ADAMTSL1: variants seen among roughly 807,000 people sequenced by gnomAD.
The protein encoded by ADAMTSL1 is ADAMTS-like protein 1.
ADAMTSL1 carries 126 observed loss-of-function variants against 201.8 expected under a neutral mutation model. That is an observed-to-expected ratio of 0.62 (90% CI 0.54 to 0.72). The LOEUF (loss-of-function observed/expected upper bound fraction) is 0.72. ADAMTSL1 is among the 30% of genes least tolerant of loss of function. The pLI, the probability that ADAMTSL1 is intolerant of heterozygous loss-of-function variation, is 0.00. For synonymous variants in ADAMTSL1, 1,121 were observed against 903.4 expected, an observed-to-expected ratio of 1.24 and a Z score of -4.32; for missense variants, 2,679 against 2,277.8, an observed-to-expected ratio of 1.18 and a Z score of -3.59.
chr9:18,812,653 T>C (rs950344565), intron 20 of ADAMTSL1, among the ~76,000 whole-genome samples: 3 of 152,222 alleles, frequency 2.0e-5, no homozygotes, highest in Non-Finnish European at 4.4e-5. Context: ...CTATGTTTTT[T>C]CCTAGTAGTT....
chr9:18,192,465 C>A (rs1474277015), intron 2 of ADAMTSL1, among the ~76,000 whole-genome samples: 1 of 152,110 alleles, frequency 6.6e-6, no homozygotes, highest in Non-Finnish European at 1.5e-5. Flanking sequence ...GAAATTCGTC[C>A]TACCATATGT....
intron 19 of ADAMTSL1, among the ~76,000 whole-genome samples, chr9:18,784,948 G>A (rs1821616168): frequency 6.6e-6 from 1 of 152,132 alleles, no homozygotes; most frequent in Non-Finnish European, 1.5e-5. Context: ...GGCAGATCAC[G>A]AGGTCAAGAG....
At chr9:18,231,543 C>T (rs1830645990) in intron 2 of ADAMTSL1, among the ~76,000 whole-genome samples, 1 of 152,136 alleles carries the variant, frequency 6.6e-6, no homozygotes, top group South Asian at 2.1e-4. Flanking sequence ...CTCCAGGGCT[C>T]ACAACTTGAA....
intron 4 of ADAMTSL1, among the ~76,000 whole-genome samples, chr9:18,604,205 A>G (rs1420741043): frequency 6.6e-6 from 1 of 152,232 alleles, no homozygotes; most frequent in African/African-American, 2.4e-5. Context: ...ACATTTCCAA[A>G]TAAGGAAGGG....
intron 1 of ADAMTSL1, among the ~76,000 whole-genome samples, chr9:18,162,769 G>C (rs996115721): frequency 2.6e-5 from 4 of 151,844 alleles, no homozygotes; most frequent in African/African-American, 9.7e-5. Context: ...AAATGTATGA[G>C]AGTTAAAAAG....
intron 1 of ADAMTSL1, among the ~76,000 whole-genome samples, chr9:18,067,678 C>G (rs967333551): frequency 1.3e-5 from 2 of 152,150 alleles, no homozygotes; most frequent in African/African-American, 4.8e-5. Context: ...AGAGAGCTGT[C>G]GGCAGCACTA....
At chr9:18,051,955 T>C (rs1230188417) in intron 1 of ADAMTSL1, among the ~76,000 whole-genome samples, 1 of 152,254 alleles carries the variant, frequency 6.6e-6, no homozygotes, top group East Asian at 1.9e-4. Context: ...AGTCTGTGGA[T>C]ATAGGGAAGC....
chr9:18,176,225 C>A (rs902909053), intron 2 of ADAMTSL1, among the ~76,000 whole-genome samples: 3 of 151,976 alleles, frequency 2.0e-5, no homozygotes, highest in African/African-American at 4.8e-5. Context: ...TTTGCCCTAG[C>A]GTATTTTTAA....
At chr9:18,531,424 T>G (rs972049038) in intron 2 of ADAMTSL1, among the ~76,000 whole-genome samples, 6 of 151,896 alleles carry the variant, frequency 4.0e-5, no homozygotes, top group Admixed American at 3.3e-4. Context: ...GCCTTTTGTC[T>G]AGGACATTGC....
At chr9:18,773,850 C>A (rs1319891163) in intron 17 of ADAMTSL1, among the ~76,000 whole-genome samples, 4 of 152,202 alleles carry the variant, frequency 2.6e-5, no homozygotes, top group African/African-American at 9.7e-5. Context: ...TCCATCCCAC[C>A]TGATCCTTGG....
intron 8 of ADAMTSL1, 80 bp downstream of exon 8, chr9:18,657,830 G>A: frequency 8.3e-7 from 1 of 1,202,574 alleles, no homozygotes; most frequent in Non-Finnish European, 1.2e-6. Context: ...AGTTACTTCA[G>A]CATGGAAGAA....
intron 2 of ADAMTSL1, among the ~76,000 whole-genome samples, chr9:18,260,805 C>A (rs2132532858): frequency 6.6e-6 from 1 of 152,178 alleles, no homozygotes; most frequent in South Asian, 2.1e-4. Flanking sequence ...GAAGCCAAAT[C>A]CCATATATTT....
intron 6 of ADAMTSL1, among the ~76,000 whole-genome samples, chr9:18,637,847 G>A (rs1373975851): frequency 1.3e-5 from 2 of 152,070 alleles, no homozygotes; most frequent in Non-Finnish European, 2.9e-5. Flanking sequence ...TCTTTAATTA[G>A]AGGTACCTTG....
chr9:18,431,340 A>T (rs1819481188), intron 2 of ADAMTSL1, among the ~76,000 whole-genome samples: 1 of 152,228 alleles, frequency 6.6e-6, no homozygotes, highest in Non-Finnish European at 1.5e-5. Flanking sequence ...ATATCCCATT[A>T]TTGGAAGAAA....
chr9:18,190,416 T>C (rs898707017), intron 2 of ADAMTSL1, among the ~76,000 whole-genome samples: 5 of 152,190 alleles, frequency 3.3e-5, no homozygotes, highest in Admixed American at 6.5e-5. Flanking sequence ...GGAACTGTCA[T>C]TGTGACCAGC....
intron 15 of ADAMTSL1, among the ~76,000 whole-genome samples, chr9:18,750,568 C>G (rs1261401963): frequency 6.6e-6 from 1 of 152,162 alleles, no homozygotes; most frequent in Admixed American, 6.5e-5. Context: ...ATGAACAGTG[C>G]TGCCATGGAT....
At chr9:18,540,328 T>C (rs1820050435) in intron 3 of ADAMTSL1, among the ~76,000 whole-genome samples, 1 of 152,184 alleles carries the variant, frequency 6.6e-6, no homozygotes, top group Non-Finnish European at 1.5e-5. Flanking sequence ...CTACACTTGA[T>C]CTTAGCCAAA....
chr9:18,608,527 T>C (rs1453671282), intron 4 of ADAMTSL1, among the ~76,000 whole-genome samples: 1 of 152,174 alleles, frequency 6.6e-6, no homozygotes, highest in African/African-American at 2.4e-5. Flanking sequence ...TCAGCGCCTT[T>C]GAGTGAATTT....
intron 2 of ADAMTSL1, among the ~76,000 whole-genome samples, chr9:18,346,628 C>A (rs554010878): frequency 6.6e-6 from 1 of 152,178 alleles, no homozygotes; most frequent in African/African-American, 2.4e-5. Flanking sequence ...TGCTTGACTA[C>A]ATTGCACACA....
Sources: gnomAD v4.1 joint callset for allele counts (sites outside exome capture counted in the v4.1 genomes callset) on GRCh38, gnomAD v4.1.1 for gene constraint, MANE v1.5 for transcripts, NCBI Gene and HGNC (gene_info 2026-07-23, HGNC 2026-07-21) for gene names.